The following GALNTL6 variants were observed in gnomAD, a reference collection of about 807,000 sequenced individuals.
The protein encoded by GALNTL6 is polypeptide N-acetylgalactosaminyltransferase like 6.
A neutral mutation model predicts 73.7 loss-of-function variants in GALNTL6; 46 were observed. The ratio of observed to expected loss-of-function variants is 0.62; its 90% CI spans 0.49 to 0.80. GALNTL6 has a LOEUF of 0.80. Among genes scored for constraint, GALNTL6 ranks in the 30% least tolerant of loss-of-function variants. GALNTL6 has a pLI of 0.00. For missense variants in GALNTL6, 604 were observed against 755.0 expected (o/e 0.80, Z 2.34); for synonymous variants, 259 against 263.7 (o/e 0.98, Z 0.17).
At chr4:172,452,794 G>A (rs891918107) in intron 5 of GALNTL6, among the ~76,000 whole-genome samples, 9 of 152,110 alleles carry the variant, frequency 5.9e-5, no homozygotes, top group Admixed American at 3.3e-4. Flanking sequence ...CCTTATATAC[G>A]TAAATTCATA....
intron 5 of GALNTL6, among the ~76,000 whole-genome samples, chr4:172,655,450 C>G (rs1301263461): frequency 1.3e-5 from 2 of 152,140 alleles, no homozygotes; most frequent in Non-Finnish European, 2.9e-5. Flanking sequence ...AAGCCCTGTA[C>G]CTGATCCTTA....
intron 7 of GALNTL6, among the ~76,000 whole-genome samples, chr4:172,864,809 T>C (rs1744578925): frequency 6.6e-6 from 1 of 152,210 alleles, no homozygotes; most frequent in Non-Finnish European, 1.5e-5. Flanking sequence ...TCTTTGATGT[T>C]CTATTTCTAT....
chr4:172,298,546 T>C (rs989341245), intron 3 of GALNTL6, among the ~76,000 whole-genome samples: 6 of 152,146 alleles, frequency 3.9e-5, no homozygotes, highest in South Asian at 4.1e-4. Flanking sequence ...CTAATTTCAA[T>C]ACCTAATTTA....
intron 2 of GALNTL6, among the ~76,000 whole-genome samples, chr4:171,967,456 T>TG (rs1560863203): frequency 2.8e-5 from 4 of 140,800 alleles, no homozygotes; most frequent in East Asian, 2.1e-4. Context: ...GGTTTTTTTT[T>TG]TTTTTTTTTG....
chr4:172,699,133 T>G (rs1733867499), intron 5 of GALNTL6, among the ~76,000 whole-genome samples: 1 of 152,044 alleles, frequency 6.6e-6, no homozygotes, highest in Non-Finnish European at 1.5e-5. Context: ...GGGGACTCCT[T>G]CATGAGGATC....
intron 10 of GALNTL6, among the ~76,000 whole-genome samples, chr4:172,968,741 C>A (rs1436065216): frequency 6.6e-6 from 1 of 151,650 alleles, no homozygotes; most frequent in Non-Finnish European, 1.5e-5. Flanking sequence ...GTGAACCAGG[C>A]AGAGCCCTAA....
At chr4:172,914,514 CAG>C (rs1747393976) in intron 8 of GALNTL6, among the ~76,000 whole-genome samples, 1 of 152,140 alleles carries the variant, frequency 6.6e-6, no homozygotes, top group Admixed American at 6.5e-5. Context: ...ATCTCACATG[CAG>C]AGACATAGAT....
intron 5 of GALNTL6, among the ~76,000 whole-genome samples, chr4:172,739,532 A>T (rs1263105979): frequency 6.6e-6 from 1 of 152,180 alleles, no homozygotes; most frequent in African/African-American, 2.4e-5. Flanking sequence ...AAAATTAGAA[A>T]ATTTGGCAAG....
At chr4:172,296,870 A>G (rs1345018045) in intron 3 of GALNTL6, among the ~76,000 whole-genome samples, 2 of 152,222 alleles carry the variant, frequency 1.3e-5, no homozygotes, top group South Asian at 2.1e-4. Context: ...TCCTTTGGGT[A>G]TATACCCAGT....
intron 2 of GALNTL6, among the ~76,000 whole-genome samples, chr4:171,936,076 C>G (rs1192162119): frequency 6.6e-6 from 1 of 152,102 alleles, no homozygotes; most frequent in Non-Finnish European, 1.5e-5. Flanking sequence ...TATTTATGGT[C>G]TCCAGGTTGA....
At chr4:172,741,104 C>G (rs562027557) in intron 5 of GALNTL6, among the ~76,000 whole-genome samples, 10 of 151,860 alleles carry the variant, frequency 6.6e-5, no homozygotes, top group Admixed American at 6.6e-4. Context: ...GAATCATTGA[C>G]CTTAAAATAT....
At chr4:172,713,805 T>G (rs964634572) in intron 5 of GALNTL6, among the ~76,000 whole-genome samples, 6 of 152,274 alleles carry the variant, frequency 3.9e-5, no homozygotes, top group Admixed American at 1.3e-4. Context: ...TGTCATCGTT[T>G]TAGTTAAATC....
chr4:172,813,471 T>C, intron 6 of GALNTL6, 69 bp from the exon 7 acceptor site: 1 of 1,368,794 alleles, frequency 7.3e-7, no homozygotes, highest in South Asian at 1.4e-5. Context: ...TGTAGGCTTC[T>C]CTTTGCTGAA....
chr4:172,028,093 T>G (rs71607865), intron 2 of GALNTL6, among the ~76,000 whole-genome samples: 10,877 of 152,054 alleles, frequency 0.072, 1,014 homozygotes, highest in African/African-American at 0.21. Context: ...GATGCAAGAT[T>G]GTATTGGAAG....
chr4:172,592,654 A>G (rs898471611), intron 5 of GALNTL6, among the ~76,000 whole-genome samples: 2 of 136,848 alleles, frequency 1.5e-5, no homozygotes, highest in Non-Finnish European at 3.2e-5. Flanking sequence ...TCAAATCTAT[A>G]TCTGTCTGTC....
chr4:172,767,670 T>TTC (rs933687505), intron 5 of GALNTL6, among the ~76,000 whole-genome samples: 3 of 136,264 alleles, frequency 2.2e-5, no homozygotes, highest in Non-Finnish European at 3.1e-5. Context: ...TTTTTTTCTT[T>TTC]TTTTTTTTTT....
At chr4:172,303,956 A>G (rs1185054831) in intron 3 of GALNTL6, among the ~76,000 whole-genome samples, 1 of 152,142 alleles carries the variant, frequency 6.6e-6, no homozygotes, top group Non-Finnish European at 1.5e-5. Flanking sequence ...TCATTTCTCC[A>G]TTCATTTCAG....
At chr4:172,095,051 G>T in intron 2 of GALNTL6, among the ~76,000 whole-genome samples, 1 of 149,766 alleles carries the variant, frequency 6.7e-6, no homozygotes. Flanking sequence ...TCAGAGCTTT[G>T]CTTACTTGAA....
intron 2 of GALNTL6, among the ~76,000 whole-genome samples, chr4:172,226,204 A>G (rs543919651): frequency 1.7e-3 from 252 of 152,128 alleles, no homozygotes; most frequent in Non-Finnish European, 3.0e-3. Context: ...ATATGACTCC[A>G]TATTTATAGA....
Sources: gnomAD v4.1 joint callset for allele counts (sites outside exome capture counted in the v4.1 genomes callset) on GRCh38, gnomAD v4.1.1 for gene constraint, MANE v1.5 for transcripts, NCBI Gene and HGNC (gene_info 2026-07-23, HGNC 2026-07-21) for gene names.